The following EVC variants were observed in gnomAD, a reference collection of about 807,000 sequenced individuals.
EVC encodes the protein EvC ciliary complex subunit 1, also known as evC complex member EVC.
Under a neutral mutation model 118.9 loss-of-function variants are expected in EVC, and 116 were observed. That is an observed-to-expected ratio of 0.98 (90% CI 0.84 to 1.14). The LOEUF is 1.14. Ranked by LOEUF, EVC falls within the 50% of genes most tolerant of loss-of-function variation. The pLI, the probability that EVC is intolerant of heterozygous loss-of-function variation, is 0.00. For missense variants in EVC, 1,401 were observed against 1,246.4 expected (o/e 1.12, Z -1.87); for synonymous variants, 619 against 534.7 (o/e 1.16, Z -2.18).
intron 20 of EVC, among the ~76,000 whole-genome samples, 165 bp downstream of exon 20, chr4:5,810,615 A>G (rs937979573): frequency 2.0e-5 from 3 of 152,332 alleles, no homozygotes; most frequent in South Asian, 4.1e-4. Flanking sequence ...GCAGTAAGCC[A>G]TGATGATACC....
chr4:5,799,287 C>T (rs1382714646), intron 15 of EVC, among the ~76,000 whole-genome samples: 1 of 152,194 alleles, frequency 6.6e-6, no homozygotes, highest in South Asian at 2.1e-4. Context: ...CTTATACTGA[C>T]AATAATCATA....
intron 6 of EVC, among the ~76,000 whole-genome samples, chr4:5,744,672 C>T (rs911054236): frequency 6.6e-6 from 1 of 152,160 alleles, no homozygotes; most frequent in African/African-American, 2.4e-5. Flanking sequence ...CCTCAGGCTT[C>T]CCCACACAGA....
chr4:5,756,200 T>C lies in EVC; in HGVS notation c.1465-64T>C, dbSNP rs937655664. On this transcript the variant is annotated intron_variant, in intron 10 of 20. Transcript: ENST00000264956. The surrounding 1 kb of genome is among the most constrained non-coding windows in gnomAD (Gnocchi z 4.2). ...AGATGCAGGGGATGGTTGGAGAACC[T>C]TCTGGAAAAAAAAAAAAAAACCCTG... 2.3e-6 allele frequency: 3 copies of C among 1,306,962 alleles called. No individual in the cohort carries two copies. The highest frequency in any genetic ancestry group is 2.0e-5 in the Admixed American group (1 of 49,834). 81.0% of individuals were successfully genotyped at this position (1,306,962 alleles called of 1,614,324 possible).
chr4:5,821,309 CG>C, the EVC span: 5 of 159,352 alleles, frequency 3.1e-5, no homozygotes, highest in South Asian at 9.7e-4. The surrounding 1 kb of genome is among the most constrained non-coding windows in gnomAD (Gnocchi z 4.4). Context: ...CTTGAGGTCT[CG>C]GCATCGTGTC....
rs1176423250 is a variant in EVC, at chr4:5,719,337, A to G, written c.264A>G (p.Arg88=). The G allele has an allele frequency of 6.2e-7, 1 of 1,614,184 alleles. No homozygotes were observed. ...ETGSPSRRRK[R]EVQMSKDKEA... ...GCTCCCCATCAAGGAGGAGGAAGAG[A>G]GAAGTGCAGATGTCGAAGGACAAGG... The change falls in exon 2 of 21, where the codon AGA becomes AGG. Residue 88 remains arginine, a synonymous_variant. Coordinates refer to ENST00000264956, the MANE Select transcript of EVC (RefSeq NM_153717.3). This position sits in a 1 kb window ranked among gnomAD's most constrained non-coding sequence, Gnocchi z 4.7.
intron 17 of EVC, among the ~76,000 whole-genome samples, chr4:5,805,645 T>C (rs1436570569): frequency 6.6e-6 from 1 of 152,196 alleles, no homozygotes; most frequent in Non-Finnish European, 1.5e-5. Flanking sequence ...ATCTGAATTT[T>C]AGCCGCACCT....
rs114844852 is a variant in EVC at position 5,753,318 on chromosome 4, C to A, written c.1315+266C>A. Among the ~76,000 whole-genome samples the A allele has an allele frequency of 9.2e-3, 1,405 of 152,324 alleles. 11 individuals are homozygous for A. Among genetic ancestry groups the A allele is most frequent in the Non-Finnish European group, 0.015 (1,010 of 68,020 alleles). ...CACCAGGGATTCCGGCTGATTGAGT[C>A]CCCACGTCCTGCAGCAAAGCCACCA... On this transcript the variant is annotated intron_variant, in intron 9 of 20. Transcript: ENST00000264956.
downstream of EVC, among the ~76,000 whole-genome samples, chr4:5,819,127 A>T (rs938857118): frequency 6.6e-6 from 1 of 152,180 alleles, no homozygotes; most frequent in South Asian, 2.1e-4. Flanking sequence ...CCTACCTTAT[A>T]TTGTACATAA....
chr4:5,739,078 G>A (rs1201233443), intron 5 of EVC, among the ~76,000 whole-genome samples: 2 of 152,062 alleles, frequency 1.3e-5, no homozygotes, highest in African/African-American at 4.8e-5. Flanking sequence ...TTACTGAGGT[G>A]GCCTGAAATC....
intron 12 of EVC, among the ~76,000 whole-genome samples, chr4:5,788,691 C>T (rs1171439114): frequency 6.6e-6 from 1 of 152,170 alleles, no homozygotes; most frequent in Admixed American, 6.5e-5. Context: ...CTGAATGTAA[C>T]CACTATTCAG....
rs748590906 is a variant in EVC at position 5,797,181 on chromosome 4, G to A, written c.2046G>A (p.Gln682=). ...TGCGGGAACAGCGTGCACTGGAGCA[G>A]GGGTCCTCCCAGTGCCTGGACGAGC... ...QELREQRALE[Q]GSSQCLDEHQ... The change falls in exon 14 of 21, where the codon CAG becomes CAA. Residue 682 remains glutamine, a synonymous_variant. Coordinates refer to ENST00000264956, the MANE Select transcript of EVC (RefSeq NM_153717.3). 2 of 1,613,308 alleles carry A rather than the reference G, an allele frequency of 1.2e-6. No individual in the cohort carries two copies. Among genetic ancestry groups the A allele is most frequent in the Non-Finnish European group, 8.5e-7 (1 of 1,180,002 alleles).
At chr4:5,801,697 C>G in intron 15 of EVC, 6 of 392,248 alleles carry the variant, frequency 1.5e-5, no homozygotes, top group South Asian at 2.8e-5. Flanking sequence ...AAAAAAGATG[C>G]GGGGAAGGCC....
At chr4:5,801,003 T>C (rs1299045901) in intron 15 of EVC, among the ~76,000 whole-genome samples, 2 of 152,208 alleles carry the variant, frequency 1.3e-5, no homozygotes, top group African/African-American at 4.8e-5. Context: ...CATCCTCTTA[T>C]GAGGAAAAGA....
intron 17 of EVC, among the ~76,000 whole-genome samples, chr4:5,806,734 A>G (rs903663075): frequency 1.3e-5 from 2 of 152,204 alleles, no homozygotes; most frequent in African/African-American, 4.8e-5. Context: ...TCAAATGGTC[A>G]TTCTATTTTT....
chr4:5,822,897 C>T, the EVC span, among the ~76,000 whole-genome samples: 1 of 152,250 alleles, frequency 6.6e-6, no homozygotes, highest in Non-Finnish European at 1.5e-5. Flanking sequence ...CTCTTCGGCA[C>T]ACAGCACAAG....
intron 11 of EVC, among the ~76,000 whole-genome samples, chr4:5,772,232 T>A (rs1734101535): frequency 6.6e-6 from 1 of 151,940 alleles, no homozygotes; most frequent in African/African-American, 2.4e-5. Context: ...ACTACTGGGG[T>A]AAATGTGTTT....
intron 2 of EVC, among the ~76,000 whole-genome samples, chr4:5,726,496 C>A (rs910472782): frequency 2.0e-5 from 3 of 151,500 alleles, no homozygotes; most frequent in African/African-American, 7.3e-5. Flanking sequence ...GGAGGTGATT[C>A]CTGAGCAGGA....
the EVC span, among the ~76,000 whole-genome samples, chr4:5,819,368 C>T: frequency 6.6e-6 from 1 of 152,180 alleles, no homozygotes; most frequent in African/African-American, 2.4e-5. Context: ...AACTCTCTCT[C>T]CCTCCTCCCA....
chr4:5,730,803 G>T lies in EVC; in HGVS notation c.385-622G>T, dbSNP rs34546509. ...CCAGAATTATGAAGTCACCAGGAGC[G>T]TCTAAGCCAGAGCCACTTCACTGTG... On this transcript the variant is annotated intron_variant, in intron 3 of 20. Coordinates refer to ENST00000264956, the MANE Select transcript of EVC (RefSeq NM_153717.3). Among the ~76,000 whole-genome samples, 825 of 152,206 alleles carry T rather than the reference G, an allele frequency of 5.4e-3. 10 individuals are homozygous for T. Among genetic ancestry groups the T allele is most frequent in the Non-Finnish European group, 7.3e-3 (494 of 67,984 alleles).
Sources: allele counts gnomAD v4.1 joint callset (sites outside exome capture counted in the v4.1 genomes callset), GRCh38; gene constraint gnomAD v4.1.1; non-coding constraint Gnocchi (gnomAD v3.1); transcripts MANE v1.5; gene names NCBI Gene and HGNC (gene_info 2026-07-23, HGNC 2026-07-21).